Variants in MYOG observed in about 807,000 individuals in gnomAD.
MYOG encodes class C basic helix-loop-helix protein 3.
MYOG carries 6 observed loss-of-function variants against 17.7 expected under a neutral mutation model. That is an observed-to-expected ratio of 0.34 (90% CI 0.19 to 0.67). The LOEUF is 0.67. MYOG is among the 30% of genes least tolerant of loss of function. MYOG has a pLI of 0.69. For missense variants in MYOG, 272 were observed against 302.0 expected (o/e 0.90, Z 0.74); for synonymous variants, 125 against 130.2 (o/e 0.96, Z 0.27).
rs1360472198 is a variant in MYOG at position 203,085,622 on chromosome 1, G to C, written c.340C>G (p.Gln114Glu). The C allele has an allele frequency of 6.2e-7, 1 of 1,614,192 alleles. No individual in the cohort carries two copies. Among genetic ancestry groups the C allele is most frequent in the Non-Finnish European group, 8.5e-7 (1 of 1,179,998 alleles). ...AGGATCTCCACCTTGGGCAGCCGCT[G>C]GTTGGGGTTGAGCAGGGTGCTTCTC... ...LKRSTLLNPN[Q>E]RLPKVEILRS... The change falls in exon 1 of 3, where the codon CAG becomes GAG. Residue 114 changes from glutamine to glutamate, a missense_variant. By Grantham distance (29) the Gln-to-Glu change is conservative (BLOSUM62 2). Transcript: ENST00000241651.
intron 1 of MYOG, 76 bp from the exon 2 acceptor site, chr1:203,084,804 C>A: frequency 7.0e-7 from 1 of 1,432,038 alleles, no homozygotes; most frequent in Non-Finnish European, 9.6e-7. Flanking sequence ...TCCCAGTGGG[C>A]AGAAGTACCT....
At chr1:203,084,230 G>GTGTGTGTGTGTGTA (rs1653565552) in intron 2 of MYOG, among the ~76,000 whole-genome samples, 199 bp from the exon 3 acceptor site, 3 of 150,816 alleles carry the variant, frequency 2.0e-5, no homozygotes, top group African/African-American at 7.3e-5. Flanking sequence ...GTGTGTGTGT[G>GTGTGTGTGTGTGTA]TGTATGCGCC....
At position 203,084,662 on chromosome 1, in the gene MYOG, T is replaced by G. The variant is rs1225889531; in HGVS notation, c.538A>C (p.Ser180Arg). The change falls in exon 2 of 3, where the codon AGC becomes CGC. Residue 180 changes from serine (S) to arginine (R), a missense_variant. Transcript: ENST00000241651. ...CCTTACTTACCCCCTGGGTTGGCGCTGAACTCCAGTGCACTGCCCCACTCT... is the reference window on the plus strand; with the variant it reads ...CCTTACTTACCCCCTGGGTTGGCGCGGAACTCCAGTGCACTGCCCCACTCT... ...SPEWGSALEFSANPGDHLLTA... is the reference protein window; with the variant it reads ...SPEWGSALEFRANPGDHLLTA... 6 of 1,610,632 alleles carry G rather than the reference T, an allele frequency of 3.7e-6. No homozygotes were observed. Among genetic ancestry groups the G allele is most frequent in the Non-Finnish European group, 5.1e-6 (6 of 1,178,452 alleles).
chr1:203,083,574 G>T lies in MYOG; in HGVS notation c.*336C>A, dbSNP rs768479173. The T allele has an allele frequency of 3.0e-5, 16 of 525,678 alleles. No individual in the cohort carries two copies. The highest frequency in any genetic ancestry group is 5.0e-5 in the Non-Finnish European group (15 of 297,150). The allele number at this position is 525,678 out of a possible 1,614,324, so 32.6% of individuals were successfully genotyped here. ...TCTCTCAAACCGTTTCACTTGGGGGGTGGAATTAGAGGCCGCGTTATGATA... is the reference window on the plus strand; with the variant it reads ...TCTCTCAAACCGTTTCACTTGGGGGTTGGAATTAGAGGCCGCGTTATGATA... On this transcript the variant is annotated 3_prime_UTR_variant, in exon 3 of 3. Coordinates refer to ENST00000241651, the MANE Select transcript of MYOG (RefSeq NM_002479.6).
chr1:203,084,732 C>T lies in MYOG; in HGVS notation c.472-4G>A. ...GAGAGCTGCATTCGCTGGGCACCTG[C>T]AAGACAGGGCGAAGGCCCAAGGTCG... is the stretch of plus-strand genomic sequence containing the variant. On this transcript the variant is annotated splice_polypyrimidine_tract_variant and splice_region_variant and intron_variant, in intron 1 of 2. Transcript: ENST00000241651. The T allele has an allele frequency of 6.2e-7, 1 of 1,604,576 alleles. No homozygotes were observed. The highest frequency in any genetic ancestry group is 1.7e-5 in the Admixed American group (1 of 58,990).
At chr1:203,084,541 A>C in intron 2 of MYOG, 106 bp downstream of exon 2, 1 of 1,029,854 alleles carries the variant, frequency 9.7e-7, no homozygotes, top group Non-Finnish European at 1.5e-6. Context: ...CCCTAGAGAG[A>C]CCCAAGGGAA....
At chr1:203,084,195 A>AGAGTGTGTGTGTGTGTGT (rs1553263706) in intron 2 of MYOG, among the ~76,000 whole-genome samples, 164 bp from the exon 3 acceptor site, 1 of 135,414 alleles carries the variant, frequency 7.4e-6, no homozygotes, top group African/African-American at 2.8e-5. Flanking sequence ...ATGCTCTGTG[A>AGAGTGTGTGTGTGTGTGT]GTGTGTGTGT....
Position 203,083,944 on chromosome 1 carries a change from GACACATCTT to G in MYOG, c.632_640del (p.Glu211_Ser214delinsAla). On this transcript the variant is annotated inframe_deletion, in exon 3 of 3. Transcript: ENST00000241651. ...CATGGTTTCATCTGGGAAGGCCACA[GACACATCTT>G]CCACTGTGATGCTGTCCACGATGGA... is the stretch of plus-strand genomic sequence containing the variant. 1.3e-6 allele frequency: 2 copies of G among 1,591,750 alleles called. No homozygotes were observed. Among genetic ancestry groups the G allele is most frequent in the South Asian group, 2.3e-5 (2 of 87,266 alleles).
Position 203,083,906 on chromosome 1 carries a change from A to C in MYOG, c.*4T>G, listed in dbSNP as rs1216540092. ...CGCAAGGATGCCCGGCTTGGAAGAC[A>C]ATCTCAGTTGGGCATGGTTTCATCT... is the stretch of plus-strand genomic sequence containing the variant. On this transcript the variant is annotated 3_prime_UTR_variant, in exon 3 of 3. Transcript: ENST00000241651. The C allele has an allele frequency of 6.3e-7, 1 of 1,588,496 alleles. No individual in the cohort carries two copies. The highest frequency in any genetic ancestry group is 2.3e-5 in the East Asian group (1 of 44,206).
At position 203,083,731 on chromosome 1, in the gene MYOG, CT is replaced by C. The variant is rs940907044; in HGVS notation, c.*178del. The C allele has an allele frequency of 4.5e-5, 42 of 929,038 alleles. No individual in the cohort carries two copies. Among genetic ancestry groups the C allele is most frequent in the South Asian group, 1.5e-4 (9 of 61,574 alleles). The allele number at this position is 929,038 out of a possible 1,614,324, so 57.5% of individuals were successfully genotyped here. A position where few individuals can be genotyped will look rare whatever the true frequency, so the allele number is the denominator to read the frequency against. ...GCAGCTGAATGAGGGCGTCCAGTCC[CT>C]TGCTGGGGGGTGGGTTAACCTTACA... On this transcript the variant is annotated 3_prime_UTR_variant, in exon 3 of 3. Transcript: ENST00000241651.
chr1:203,083,751 C>A lies in MYOG; in HGVS notation c.*159G>T, dbSNP rs1453978285. The A allele has an allele frequency of 2.6e-6, 3 of 1,154,728 alleles. No individual in the cohort carries two copies. The highest frequency in any genetic ancestry group is 2.6e-5 in the East Asian group (1 of 38,918). The allele number at this position is 1,154,728 out of a possible 1,614,324, so 71.5% of individuals were successfully genotyped here. A position where few individuals can be genotyped will look rare whatever the true frequency, so the allele number is the denominator to read the frequency against. On this transcript the variant is annotated 3_prime_UTR_variant, in exon 3 of 3. Coordinates refer to ENST00000241651, the MANE Select transcript of MYOG (RefSeq NM_002479.6). ...AGTCCCTTGCTGGGGGGTGGGTTAA[C>A]CTTACATGGATGAGGAAGGGGATAG... is the stretch of plus-strand genomic sequence containing the variant.
chr1:203,084,195 A>T lies in MYOG; in HGVS notation c.554-164T>A, dbSNP rs374455663. ...TCCCTGCCTTTCCCCATGCTCTGTG[A>T]GTGTGTGTGTGTGTGTGTGTGTGTG... On this transcript the variant is annotated intron_variant, in intron 2 of 2. Coordinates refer to ENST00000241651, the MANE Select transcript of MYOG (RefSeq NM_002479.6). Among the ~76,000 whole-genome samples, 640 of 135,472 alleles carry T rather than the reference A, an allele frequency of 4.7e-3. 5 individuals carry two copies. The highest frequency in any genetic ancestry group is 0.016 in the African/African-American group (584 of 35,752). 88.9% of individuals were successfully genotyped at this position (135,472 alleles called of 152,430 possible).
At position 203,083,365 on chromosome 1, in the gene MYOG, A is replaced by G. The variant is rs1653534939; in HGVS notation, c.*545T>C. ...AACAACACACGAAACAAAACAAAAC[A>G]TAAAACCACTGGAAGGTTCCCAATA... On this transcript the variant is annotated 3_prime_UTR_variant, in exon 3 of 3. Coordinates refer to ENST00000241651, the MANE Select transcript of MYOG (RefSeq NM_002479.6). 1 of 251,998 alleles carries G rather than the reference A, an allele frequency of 4.0e-6. No individual in the cohort carries two copies. 15.6% of individuals were successfully genotyped at this position (251,998 alleles called of 1,614,324 possible).
chr1:203,085,638 G>T lies in MYOG; in HGVS notation c.324C>A (p.Thr108=). The T allele has an allele frequency of 6.2e-7, 1 of 1,614,210 alleles. No individual in the cohort carries two copies. The highest frequency in any genetic ancestry group is 8.5e-7 in the Non-Finnish European group (1 of 1,180,016). ...GCAGCCGCTGGTTGGGGTTGAGCAGGGTGCTTCTCTTCAGGGCCTCGAAGG... is the reference window on the plus strand; with the variant it reads ...GCAGCCGCTGGTTGGGGTTGAGCAGTGTGCTTCTCTTCAGGGCCTCGAAGG... ...NEAFEALKRS[T]LLNPNQRLPK... is the part of the protein sequence containing the mutation. The change falls in exon 1 of 3, where the codon ACC becomes ACA. Residue 108 remains threonine, a synonymous_variant. Transcript: ENST00000241651.
In MYOG at chr1:203,083,890, G is replaced by A. The variant is rs767708138; in HGVS notation, c.*20C>T. 2.5e-6 allele frequency: 4 copies of A among 1,581,812 alleles called. No individual in the cohort carries two copies. Among genetic ancestry groups the A allele is most frequent in the Non-Finnish European group, 3.4e-6 (4 of 1,163,052 alleles). On this transcript the variant is annotated 3_prime_UTR_variant, in exon 3 of 3. Coordinates refer to ENST00000241651, the MANE Select transcript of MYOG (RefSeq NM_002479.6). ...GCCAGCTTGGGGGGCTCGCAAGGATGCCCGGCTTGGAAGACAATCTCAGTT... is the reference window on the plus strand; with the variant it reads ...GCCAGCTTGGGGGGCTCGCAAGGATACCCGGCTTGGAAGACAATCTCAGTT...
In MYOG at chr1:203,085,571, G is replaced by A. The variant is rs1254393566; in HGVS notation, c.391C>T (p.Arg131Cys). Residue 131 changes from arginine to cysteine, a missense_variant, in exon 1 of 3, where the codon CGC becomes TGC. Coordinates refer to ENST00000241651, the MANE Select transcript of MYOG (RefSeq NM_002479.6). ...ILRSAIQYIE[R>C]LQALLSSLNQ... ...AGGGAGCTGAGCAGGGCCTGGAGGCGCTCGATGTACTGGATGGCACTGCGC... is the reference window on the plus strand; with the variant it reads ...AGGGAGCTGAGCAGGGCCTGGAGGCACTCGATGTACTGGATGGCACTGCGC... The A allele has an allele frequency of 6.2e-6, 10 of 1,614,052 alleles. No homozygotes were observed. Among genetic ancestry groups the A allele is most frequent in the African/African-American group, 5.3e-5 (4 of 74,938 alleles).
intron 2 of MYOG, among the ~76,000 whole-genome samples, chr1:203,084,295 G>A (rs530094673): frequency 1.5e-3 from 222 of 151,540 alleles, no homozygotes; most frequent in Non-Finnish European, 2.7e-3. Context: ...TCAAGTTGGA[G>A]CAGGATGGAG....
rs756843882 is a variant in MYOG at position 203,084,044 on chromosome 1, G to T, written c.554-13C>A. On this transcript the variant is annotated splice_polypyrimidine_tract_variant and intron_variant, in intron 2 of 2. Coordinates refer to ENST00000241651, the MANE Select transcript of MYOG (RefSeq NM_002479.6). ...GTGAGCAGATGATCTGTAAGGGGAG[G>T]TGGGAAGGTGGTACCTGGGTGAGCA... 2.5e-6 allele frequency: 4 copies of T among 1,593,230 alleles called. No homozygotes were observed. In the South Asian group the frequency reaches 3.4e-5, roughly 14 times the overall value.
At chr1:203,084,840 AG>A in intron 1 of MYOG, 112 bp from the exon 2 acceptor site, 5 of 1,099,582 alleles carry the variant, frequency 4.5e-6, no homozygotes, top group Non-Finnish European at 6.7e-6. Context: ...GGTGGGCCAC[AG>A]GCTGTGGCCT....
Sources: gnomAD v4.1 joint callset for allele counts (sites outside exome capture counted in the v4.1 genomes callset) on GRCh38, gnomAD v4.1.1 for gene constraint, MANE v1.5 for transcripts, NCBI Gene and HGNC (gene_info 2026-07-23, HGNC 2026-07-21) for gene names.